Variants in CCDC90B observed in about 807,000 individuals in gnomAD.
CCDC90B encodes coiled-coil domain-containing protein 90B, mitochondrial.
In CCDC90B, 24 loss-of-function variants were observed where a neutral mutation model predicts 37.0. The observed-to-expected ratio is 0.65, with a 90% CI of 0.47 to 0.91. CCDC90B has a LOEUF of 0.91. Ranked by LOEUF, CCDC90B falls within the 40% of genes least tolerant of loss-of-function variation. The probability of loss-of-function intolerance (pLI) is 0.00; values close to 1 mark genes in which losing one functional copy is unlikely to be tolerated. For missense variants in CCDC90B, 319 were observed against 299.0 expected, an observed-to-expected ratio of 1.07 and a Z score of -0.49; for synonymous variants, 113 against 101.1, an observed-to-expected ratio of 1.12 and a Z score of -0.71.
At chr11:83,279,289 C>CA (rs1220702849) in intron 2 of CCDC90B, among the ~76,000 whole-genome samples, 121 of 143,946 alleles carry the variant, frequency 8.4e-4, no homozygotes, top group African/African-American at 1.8e-3. Context: ...TCAAAAAAAA[C>CA]AAAAAAAAAA....
intron 8 of CCDC90B, among the ~76,000 whole-genome samples, 171 bp from the exon 9 acceptor site, chr11:83,262,137 C>T (rs1238442158): frequency 6.6e-6 from 1 of 152,152 alleles, no homozygotes; most frequent in East Asian, 1.9e-4. Context: ...TTCTTAAGGG[C>T]AGCCTTAATG....
rs1177077169 is a variant in CCDC90B at position 83,265,986 on chromosome 11, T to C, written c.595-7A>G. ...TACTTTTGGTTTGAGTATCCTGTGG[T>C]AAACCAGAATAAGAGAACTTAATTT... On this transcript the variant is annotated splice_region_variant and splice_polypyrimidine_tract_variant and intron_variant, in intron 7 of 8. Coordinates refer to ENST00000529689, the MANE Select transcript of CCDC90B (RefSeq NM_021825.5). The C allele has an allele frequency of 1.2e-5, 17 of 1,436,372 alleles. No homozygotes were observed. The highest frequency in any genetic ancestry group is 1.7e-5 in the Non-Finnish European group (17 of 1,020,944). The allele number at this position is 1,436,372 out of a possible 1,614,324, so 89.0% of individuals were successfully genotyped here.
Position 83,285,815 on chromosome 11 carries a change from AC to A in CCDC90B, c.100+57del. 1.9e-6 allele frequency: 3 copies of A among 1,548,684 alleles called. No homozygotes were observed. In the South Asian group the frequency reaches 3.5e-5, roughly 18 times the overall value. ...CGTTCGCTCGAGCAGGCGCGACCCC[AC>A]GGGCATCGTCTCCCTAGAGAGCACT... is the stretch of plus-strand genomic sequence containing the variant. On this transcript the variant is annotated intron_variant, in intron 1 of 8. Coordinates refer to ENST00000529689, the MANE Select transcript of CCDC90B (RefSeq NM_021825.5).
At chr11:83,266,472 G>C (rs1265894165) in intron 7 of CCDC90B, among the ~76,000 whole-genome samples, 1 of 152,260 alleles carries the variant, frequency 6.6e-6, no homozygotes. Flanking sequence ...TGGCTCAGCG[G>C]GTCCCACGCC....
chr11:83,283,684 G>A (rs1865521900), intron 1 of CCDC90B, among the ~76,000 whole-genome samples: 1 of 152,190 alleles, frequency 6.6e-6, no homozygotes, highest in Non-Finnish European at 1.5e-5. Context: ...TTTACAGGCC[G>A]GGTGCAGTGG....
At chr11:83,284,574 T>C (rs956541337) in intron 1 of CCDC90B, among the ~76,000 whole-genome samples, 3 of 152,234 alleles carry the variant, frequency 2.0e-5, no homozygotes, top group Admixed American at 2.0e-4. Flanking sequence ...ATCCCTTGAT[T>C]ATTGACATTA....
In CCDC90B at chr11:83,286,284, A is replaced by T; in HGVS notation, c.-312T>A. The T allele has an allele frequency of 8.3e-7, 1 of 1,202,774 alleles. No individual in the cohort carries two copies. The highest frequency in any genetic ancestry group is 1.2e-6 in the Non-Finnish European group (1 of 862,100). 74.5% of individuals were successfully genotyped at this position (1,202,774 alleles called of 1,614,324 possible). On this transcript the variant is annotated 5_prime_UTR_variant, in exon 1 of 9. Transcript: ENST00000529689. ...AACCTTCCGGCGCCTGTTTCCTGGC[A>T]GTGGGGCATAGTCCAACAGCTGGCT...
Position 83,276,458 on chromosome 11 carries a change from G to A in CCDC90B, c.325-1718C>T, listed in dbSNP as rs113082391. Among the ~76,000 whole-genome samples, 657 of 152,098 alleles carry A rather than the reference G, an allele frequency of 4.3e-3. 8 individuals are homozygous for A. The highest frequency in any genetic ancestry group is 0.015 in the African/African-American group (614 of 41,478). ...CACTTCCTGGGTTCGAGTGATTCTCGTGCCTCAGCCTCCTGAGTAGCTGGG... is the reference window on the plus strand; with the variant it reads ...CACTTCCTGGGTTCGAGTGATTCTCATGCCTCAGCCTCCTGAGTAGCTGGG... On this transcript the variant is annotated intron_variant, in intron 3 of 8. Coordinates refer to ENST00000529689, the MANE Select transcript of CCDC90B (RefSeq NM_021825.5).
intron 7 of CCDC90B, among the ~76,000 whole-genome samples, chr11:83,269,280 CAGAGGTA>C (rs1325933492): frequency 2.0e-5 from 3 of 151,960 alleles, no homozygotes; most frequent in African/African-American, 7.3e-5. Context: ...TTATCTCTTT[CAGAGGTA>C]AGAGATAAGA....
chr11:83,273,336 G>A (rs1255355355), intron 7 of CCDC90B: 2 of 166,828 alleles, frequency 1.2e-5, no homozygotes, highest in East Asian at 1.6e-4. Flanking sequence ...CTCCCAAAGT[G>A]CAGGATTAAC....
intron 8 of CCDC90B, 78 bp downstream of exon 8, chr11:83,265,787 G>T: frequency 1.0e-5 from 9 of 858,564 alleles, no homozygotes; most frequent in Admixed American, 8.9e-5. Context: ...TTTTTTTCCT[G>T]TGCCTGCTCA....
chr11:83,268,373 A>C (rs573347687), intron 7 of CCDC90B, among the ~76,000 whole-genome samples: 7 of 152,066 alleles, frequency 4.6e-5, no homozygotes, highest in Non-Finnish European at 8.8e-5. Context: ...ACGTGCAAAG[A>C]TGCACATAGG....
At chr11:83,267,942 G>A (rs1864392135) in intron 7 of CCDC90B, among the ~76,000 whole-genome samples, 1 of 152,178 alleles carries the variant, frequency 6.6e-6, no homozygotes, top group African/African-American at 2.4e-5. Context: ...AGAAGAGAGT[G>A]GGGGCCAATA....
At position 83,261,769 on chromosome 11, in the gene CCDC90B, A is replaced by G. The variant is rs1285597065; in HGVS notation, c.*142T>C. 1 of 599,288 alleles carries G rather than the reference A, an allele frequency of 1.7e-6. No individual in the cohort carries two copies. Among genetic ancestry groups the G allele is most frequent in the Non-Finnish European group, 3.0e-6 (1 of 337,890 alleles). 37.1% of individuals were successfully genotyped at this position (599,288 alleles called of 1,614,324 possible). A position where few individuals can be genotyped will look rare whatever the true frequency, so the allele number is the denominator to read the frequency against. ...AAGACACAGTATCTCTTCTCATTCT[A>G]AAACACTTCCTCTTTTAGTCCGTAT... On this transcript the variant is annotated 3_prime_UTR_variant, in exon 9 of 9. Transcript: ENST00000529689.
intron 1 of CCDC90B, among the ~76,000 whole-genome samples, chr11:83,281,224 G>T (rs535219038): frequency 6.6e-6 from 1 of 152,234 alleles, no homozygotes; most frequent in South Asian, 2.1e-4. Context: ...TATTTAAAAG[G>T]CTGCAACTTC....
intron 8 of CCDC90B, among the ~76,000 whole-genome samples, chr11:83,262,738 C>T (rs926059587): frequency 6.6e-6 from 1 of 152,116 alleles, no homozygotes; most frequent in Non-Finnish European, 1.5e-5. Flanking sequence ...ATTTGTACAC[C>T]ACCCCATTTG....
Position 83,280,424 on chromosome 11 carries a change from A to G in CCDC90B, c.101-164T>C, listed in dbSNP as rs554393302. 2.4e-4 allele frequency among the ~76,000 whole-genome samples: 36 copies of G among 152,334 alleles called. No homozygotes were observed. In the Middle Eastern group the frequency reaches 0.01, roughly 43 times the overall value. On this transcript the variant is annotated intron_variant, in intron 1 of 8. Coordinates refer to ENST00000529689, the MANE Select transcript of CCDC90B (RefSeq NM_021825.5). ...CTCCTCTGAGCCTCTCTTTTATCTG[A>G]AAAGTCTCTGACGTTCTTCTGTACA...
chr11:83,271,688 A>G (rs1864679349), intron 7 of CCDC90B, among the ~76,000 whole-genome samples: 1 of 152,242 alleles, frequency 6.6e-6, no homozygotes, highest in East Asian at 1.9e-4. Flanking sequence ...TCGTTCAACC[A>G]TTGTGGAAGA....
At chr11:83,280,908 T>A (rs1421630206) in intron 1 of CCDC90B, among the ~76,000 whole-genome samples, 2 of 152,238 alleles carry the variant, frequency 1.3e-5, no homozygotes, top group Non-Finnish European at 2.9e-5. Flanking sequence ...TTTGAAATCA[T>A]GGACGTATTT....
Sources: gnomAD v4.1 joint callset for allele counts (sites outside exome capture counted in the v4.1 genomes callset) on GRCh38, gnomAD v4.1.1 for gene constraint, MANE v1.5 for transcripts, NCBI Gene and HGNC (gene_info 2026-07-23, HGNC 2026-07-21) for gene names.